The following SYN3 variants were observed in gnomAD, a reference collection of about 807,000 sequenced individuals.
The protein encoded by SYN3 is synapsin-3.
SYN3 carries 35 observed loss-of-function variants against 65.8 expected under a neutral mutation model. That is an observed-to-expected ratio of 0.53 (90% CI 0.41 to 0.70). SYN3 has a LOEUF of 0.70. SYN3 is among the 30% of genes least tolerant of loss of function. SYN3 has a pLI of 0.00. For synonymous variants in SYN3, 270 were observed against 292.9 expected, an observed-to-expected ratio of 0.92 and a Z score of 0.80; for missense variants, 680 against 749.0, an observed-to-expected ratio of 0.91 and a Z score of 1.08.
At chr22:32,901,606 A>C (rs954511916) in intron 4 of SYN3, among the ~76,000 whole-genome samples, 1 of 152,176 alleles carries the variant, frequency 6.6e-6, no homozygotes, top group Non-Finnish European at 1.5e-5. Flanking sequence ...AAATACTTTC[A>C]ATGTGCCTAA....
intron 2 of SYN3, among the ~76,000 whole-genome samples, chr22:32,982,754 T>C (rs1160960674): frequency 6.6e-6 from 1 of 152,202 alleles, no homozygotes; most frequent in Non-Finnish European, 1.5e-5. Context: ...AATGAATACA[T>C]GAGTGAATGG....
At chr22:32,552,233 G>A (rs1432963516) in intron 7 of SYN3, among the ~76,000 whole-genome samples, 1 of 152,060 alleles carries the variant, frequency 6.6e-6, no homozygotes, top group African/African-American at 2.4e-5. Flanking sequence ...GTGACAGAGT[G>A]AGACTCCATC....
intron 4 of SYN3, among the ~76,000 whole-genome samples, chr22:32,875,898 T>A (rs1300926431): frequency 1.3e-5 from 2 of 152,176 alleles, no homozygotes; most frequent in African/African-American, 4.8e-5. Flanking sequence ...GGTGCTTTGT[T>A]ATAGCAGCCT....
chr22:32,602,054 G>A (rs771799940), intron 6 of SYN3, among the ~76,000 whole-genome samples: 1 of 151,662 alleles, frequency 6.6e-6, no homozygotes, highest in African/African-American at 2.4e-5. Context: ...ATCAGTGTTT[G>A]CATTGGTCCA....
chr22:32,726,578 C>T lies in SYN3; in HGVS notation c.712-129842G>A, dbSNP rs558113528. ...CAGCTCTCGTCTCCTATCTCTGCCACTCCCTAGTGCATCTGAATCAGCCTT... is the reference window on the plus strand; with the variant it reads ...CAGCTCTCGTCTCCTATCTCTGCCATTCCCTAGTGCATCTGAATCAGCCTT... On this transcript the variant is annotated intron_variant, in intron 6 of 13. Transcript: ENST00000358763. Among the ~76,000 whole-genome samples the T allele has an allele frequency of 5.3e-5, 8 of 152,350 alleles. No individual in the cohort carries two copies. The South Asian group carries it at 1.4e-3, about 28-fold the overall frequency.
intron 4 of SYN3, among the ~76,000 whole-genome samples, chr22:32,885,743 T>C (rs1406060079): frequency 6.6e-6 from 1 of 152,142 alleles, no homozygotes; most frequent in Non-Finnish European, 1.5e-5. Context: ...GTATTCTTAG[T>C]AGAGATGGGG....
At chr22:32,696,880 T>C (rs1344478062) in intron 6 of SYN3, among the ~76,000 whole-genome samples, 1 of 152,178 alleles carries the variant, frequency 6.6e-6, no homozygotes. Context: ...CCAGCATTGA[T>C]TTACCTCTCC....
intron 6 of SYN3, among the ~76,000 whole-genome samples, chr22:32,691,203 C>T (rs1169863484): frequency 6.6e-6 from 1 of 152,188 alleles, no homozygotes; most frequent in Non-Finnish European, 1.5e-5. Flanking sequence ...CACCCATACC[C>T]TGGGCTCTGT....
At chr22:33,023,476 C>G (rs2053591636) in intron 1 of SYN3, among the ~76,000 whole-genome samples, 1 of 152,216 alleles carries the variant, frequency 6.6e-6, no homozygotes, top group Admixed American at 6.5e-5. Context: ...CATTAAACCC[C>G]TTTCCTTTAT....
intron 4 of SYN3, among the ~76,000 whole-genome samples, chr22:32,880,577 T>C (rs761136826): frequency 1.3e-5 from 2 of 152,116 alleles, no homozygotes; most frequent in Non-Finnish European, 2.9e-5. Flanking sequence ...GTCTCAGGGA[T>C]GCAGTTACCA....
intron 6 of SYN3, among the ~76,000 whole-genome samples, chr22:32,814,504 G>T (rs962991309): frequency 1.3e-5 from 2 of 152,118 alleles, no homozygotes; most frequent in Non-Finnish European, 2.9e-5. Flanking sequence ...TTTTCTAACG[G>T]AGAAAGACAA....
chr22:32,584,410 C>A (rs1351699017), intron 7 of SYN3, among the ~76,000 whole-genome samples: 1 of 152,164 alleles, frequency 6.6e-6, no homozygotes, highest in African/African-American at 2.4e-5. Context: ...TTCCCCACCC[C>A]ACCGGGTGAT....
At chr22:32,729,744 T>A (rs2061245450) in intron 6 of SYN3, among the ~76,000 whole-genome samples, 1 of 152,220 alleles carries the variant, frequency 6.6e-6, no homozygotes, top group African/African-American at 2.4e-5. Flanking sequence ...TGAAGTATGA[T>A]CCATTTTCAC....
chr22:32,652,786 C>T (rs1230156282), intron 6 of SYN3, among the ~76,000 whole-genome samples: 1 of 152,158 alleles, frequency 6.6e-6, no homozygotes, highest in Non-Finnish European at 1.5e-5. Context: ...CCCTAGTTAG[C>T]GGCAGAGAGG....
At chr22:32,692,642 C>T (rs1186806821) in intron 6 of SYN3, among the ~76,000 whole-genome samples, 1 of 152,178 alleles carries the variant, frequency 6.6e-6, no homozygotes, top group Non-Finnish European at 1.5e-5. Context: ...CAAAAAATGA[C>T]AGCCATTCTT....
chr22:32,774,554 C>T (rs2045860659), intron 6 of SYN3, among the ~76,000 whole-genome samples: 1 of 152,066 alleles, frequency 6.6e-6, no homozygotes, highest in South Asian at 2.1e-4. Flanking sequence ...TTTTCAGGAG[C>T]CTCAAATAAG....
Position 32,912,458 on chromosome 22 carries a change from G to A in SYN3, c.461+18932C>T, listed in dbSNP as rs559777336. 9.2e-5 allele frequency among the ~76,000 whole-genome samples: 14 copies of A among 152,230 alleles called. No homozygotes were observed. The South Asian group carries it at 1.5e-3, about 16-fold the overall frequency. Reference sequence around the variant, plus strand: ...TGGCTGGGCACGGTGGCTCACACCTGTAATCCCAGCACTTTGAGAGGTCGA... The same window carrying A: ...TGGCTGGGCACGGTGGCTCACACCTATAATCCCAGCACTTTGAGAGGTCGA... On this transcript the variant is annotated intron_variant, in intron 4 of 13. Coordinates refer to ENST00000358763, the MANE Select transcript of SYN3 (RefSeq NM_003490.4).
chr22:33,045,920 A>C (rs2054055604), intron 1 of SYN3, among the ~76,000 whole-genome samples: 1 of 151,908 alleles, frequency 6.6e-6, no homozygotes, highest in Non-Finnish European at 1.5e-5. Context: ...TTCTCTAAAA[A>C]CATGTCAAAT....
rs74867892 is a variant in SYN3, at chr22:32,839,701, C to G, written c.711+25214G>C. Among the ~76,000 whole-genome samples, 413 of 152,260 alleles carry G rather than the reference C, an allele frequency of 2.7e-3. 8 individuals carry two copies. In the East Asian group the frequency reaches 0.062, roughly 23 times the overall value. On this transcript the variant is annotated intron_variant, in intron 6 of 13. Transcript: ENST00000358763. ...ATTCATCCCAAGTCCAGGCATATAC[C>G]TAGAAGGAGCGACTCTTAAATTTTG...
Sources: allele counts gnomAD v4.1 joint callset (sites outside exome capture counted in the v4.1 genomes callset), GRCh38; gene constraint gnomAD v4.1.1; transcripts MANE v1.5; gene names NCBI Gene and HGNC (gene_info 2026-07-23, HGNC 2026-07-21).